MYOG: variants seen among roughly 807,000 people sequenced by gnomAD.
MYOG encodes class C basic helix-loop-helix protein 3.
In MYOG, 6 loss-of-function variants were observed where a neutral mutation model predicts 17.7. The ratio of observed to expected loss-of-function variants is 0.34; its 90% CI spans 0.19 to 0.67. The LOEUF (loss-of-function observed/expected upper bound fraction) is 0.67. MYOG is among the 30% of genes least tolerant of loss of function. The pLI is 0.69. For missense variants in MYOG, 272 were observed against 302.0 expected, an observed-to-expected ratio of 0.90 and a Z score of 0.74; for synonymous variants, 125 against 130.2, an observed-to-expected ratio of 0.96 and a Z score of 0.27.
chr1:203,083,791 C>T lies in MYOG; in HGVS notation c.*119G>A. The T allele has an allele frequency of 1.4e-6, 2 of 1,455,990 alleles. No individual in the cohort carries two copies. The highest frequency in any genetic ancestry group is 1.9e-6 in the Non-Finnish European group (2 of 1,076,010). 90.2% of individuals were successfully genotyped at this position (1,455,990 alleles called of 1,614,324 possible). ...GAAGGGGATAGTCTGGCCTATGGCA[C>T]CCCAGAGCTGGCTTCCTAGCATCAG... On this transcript the variant is annotated 3_prime_UTR_variant, in exon 3 of 3. Transcript: ENST00000241651.
rs1653612225 is a variant in MYOG, at chr1:203,085,916, A to AG, written c.45dup (p.Phe16LeufsTer3). On this transcript the variant is annotated frameshift_variant, in exon 1 of 3. Transcript: ENST00000241651. LOFTEE classifies it high-confidence loss of function. ...GGCAGGTAGTTTTCCCCATCATAGA[A>AG]GCGGGGTTCCTGGTAGAAGTAGGGG... 2 of 1,606,908 alleles carry AG rather than the reference A, an allele frequency of 1.2e-6. No homozygotes were observed. Among genetic ancestry groups the AG allele is most frequent in the African/African-American group, 2.7e-5 (2 of 74,446 alleles).
Position 203,083,566 on chromosome 1 carries a change from C to CT in MYOG, c.*343dup, listed in dbSNP as rs2102713660. ...GCACTGCGTCTCTCAAACCGTTTCA[C>CT]TTGGGGGGTGGAATTAGAGGCCGCG... is the stretch of plus-strand genomic sequence containing the variant. On this transcript the variant is annotated 3_prime_UTR_variant, in exon 3 of 3. Coordinates refer to ENST00000241651, the MANE Select transcript of MYOG (RefSeq NM_002479.6). 1.9e-6 allele frequency: 1 copy of CT among 525,122 alleles called. No individual in the cohort carries two copies. Among genetic ancestry groups the CT allele is most frequent in the East Asian group, 2.8e-5 (1 of 35,460 alleles). 32.5% of individuals were successfully genotyped at this position (525,122 alleles called of 1,614,324 possible).
At chr1:203,084,560 G>T in intron 2 of MYOG, 87 bp downstream of exon 2, 1 of 1,216,864 alleles carries the variant, frequency 8.2e-7, no homozygotes. Context: ...AAGAGGACCG[G>T]AGCAAGGAAT....
Position 203,083,589 on chromosome 1 carries a change from G to A in MYOG, c.*321C>T, listed in dbSNP as rs895683766. ...CACTTGGGGGGTGGAATTAGAGGCC[G>A]CGTTATGATAAAAAGGAAGCTCCTG... On this transcript the variant is annotated 3_prime_UTR_variant, in exon 3 of 3. Transcript: ENST00000241651. 4.3e-5 allele frequency: 23 copies of A among 529,618 alleles called. No homozygotes were observed. The highest frequency in any genetic ancestry group is 7.0e-5 in the Non-Finnish European group (21 of 298,874). 32.8% of individuals were successfully genotyped at this position (529,618 alleles called of 1,614,324 possible).
Sources: allele counts gnomAD v4.1 joint callset, GRCh38; gene constraint gnomAD v4.1.1; transcripts MANE v1.5; gene names NCBI Gene and HGNC (gene_info 2026-07-23, HGNC 2026-07-21).